The following ZFAND3 variants were observed in gnomAD, a reference collection of about 807,000 sequenced individuals.
ZFAND3 encodes the protein zinc finger AN1-type containing 3.
A neutral mutation model predicts 29.6 loss-of-function variants in ZFAND3; 10 were observed. The ratio of observed to expected loss-of-function variants is 0.34; its 90% CI spans 0.21 to 0.57. The LOEUF (loss-of-function observed/expected upper bound fraction) is 0.57, where lower values mean the gene tolerates loss of function less well. ZFAND3 is among the 20% of genes least tolerant of loss of function. The pLI is 0.86. For synonymous variants in ZFAND3, 128 were observed against 112.6 expected, an observed-to-expected ratio of 1.14 and a Z score of -0.87; for missense variants, 230 against 304.5, an observed-to-expected ratio of 0.76 and a Z score of 1.82.
intron 1 of ZFAND3, among the ~76,000 whole-genome samples, chr6:37,885,698 A>T (rs1009544185): frequency 6.6e-6 from 1 of 152,122 alleles, no homozygotes; most frequent in African/African-American, 2.4e-5. Flanking sequence ...AAGAATTTCA[A>T]CCTTATTTGA....
intron 2 of ZFAND3, among the ~76,000 whole-genome samples, chr6:38,031,739 A>G (rs1763564183): frequency 6.6e-6 from 1 of 152,204 alleles, no homozygotes; most frequent in Non-Finnish European, 1.5e-5. Context: ...TTAATTGCCC[A>G]GTAGAGTACC....
chr6:38,002,128 C>G (rs1047249509), intron 2 of ZFAND3, among the ~76,000 whole-genome samples: 7 of 151,984 alleles, frequency 4.6e-5, no homozygotes, highest in African/African-American at 1.7e-4. Flanking sequence ...AGAAGATATA[C>G]TATAAATATT....
intron 2 of ZFAND3, among the ~76,000 whole-genome samples, chr6:38,034,260 C>G (rs925783052): frequency 2.6e-5 from 4 of 152,118 alleles, no homozygotes; most frequent in Non-Finnish European, 4.4e-5. Context: ...TTCTCCACCT[C>G]TACTCCAACC....
intron 1 of ZFAND3, among the ~76,000 whole-genome samples, chr6:37,854,766 C>G (rs1269743591): frequency 3.0e-4 from 4 of 13,482 alleles, no homozygotes; most frequent in South Asian, 7.2e-3. Context: ...GCTAAAATGC[C>G]CCCCCCCCCC....
At chr6:38,112,172 T>C (rs1464982760) in intron 4 of ZFAND3, among the ~76,000 whole-genome samples, 1 of 152,190 alleles carries the variant, frequency 6.6e-6, no homozygotes, top group Non-Finnish European at 1.5e-5. Context: ...TATTAAACAT[T>C]GGCAGAGAAA....
intron 1 of ZFAND3, among the ~76,000 whole-genome samples, chr6:37,915,261 T>C (rs1427067645): frequency 1.3e-5 from 2 of 152,236 alleles, no homozygotes; most frequent in East Asian, 3.9e-4. Context: ...TTTAAGGGAA[T>C]ATTATGGCTG....
intron 5 of ZFAND3, among the ~76,000 whole-genome samples, chr6:38,140,374 G>A (rs997142126): frequency 1.3e-4 from 20 of 152,156 alleles, no homozygotes; most frequent in African/African-American, 4.6e-4. Flanking sequence ...AGAAAGAGAA[G>A]GAAAACAAGG....
intron 2 of ZFAND3, among the ~76,000 whole-genome samples, chr6:37,961,488 C>T (rs1029755466): frequency 6.6e-6 from 1 of 152,204 alleles, no homozygotes; most frequent in African/African-American, 2.4e-5. Flanking sequence ...GATTGTAGAG[C>T]CCTAGGACAC....
At chr6:37,835,695 A>C (rs1036108698) in intron 1 of ZFAND3, among the ~76,000 whole-genome samples, 14 of 152,112 alleles carry the variant, frequency 9.2e-5, no homozygotes, top group Admixed American at 1.3e-4. Context: ...CCACTTAGTC[A>C]TGGTTATGTT....
intron 1 of ZFAND3, among the ~76,000 whole-genome samples, chr6:37,900,542 C>G (rs888242908): frequency 6.6e-6 from 1 of 152,092 alleles, no homozygotes; most frequent in Non-Finnish European, 1.5e-5. Context: ...AAGTAGAGTG[C>G]ACTAGTTCTG....
intron 2 of ZFAND3, among the ~76,000 whole-genome samples, chr6:37,939,824 G>T (rs1761780931): frequency 6.6e-6 from 1 of 152,064 alleles, no homozygotes; most frequent in African/African-American, 2.4e-5. Context: ...GGCGGATCAC[G>T]AGGTCAGGAG....
At chr6:38,080,941 A>C (rs1438554095) in intron 3 of ZFAND3, among the ~76,000 whole-genome samples, 1 of 152,080 alleles carries the variant, frequency 6.6e-6, no homozygotes, top group Non-Finnish European at 1.5e-5. Context: ...AGTTGAAATT[A>C]CTCTGCTCTC....
At chr6:38,024,944 GTTTAT>G (rs978273484) in intron 2 of ZFAND3, among the ~76,000 whole-genome samples, 14 of 152,142 alleles carry the variant, frequency 9.2e-5, no homozygotes, top group African/African-American at 3.1e-4. Flanking sequence ...CTTTAAAATG[GTTTAT>G]TTTATGTTCT....
chr6:38,120,730 C>A lies in ZFAND3; in HGVS notation c.529+3991C>A, dbSNP rs981551903. ...TTTAACATATTTTCAATTGATGGTGCATTAACAAACTTAAGTGGATATGCT... is the reference window on the plus strand; with the variant it reads ...TTTAACATATTTTCAATTGATGGTGAATTAACAAACTTAAGTGGATATGCT... On this transcript the variant is annotated intron_variant, in intron 5 of 5. Transcript: ENST00000287218. Among the ~76,000 whole-genome samples the A allele has an allele frequency of 1.8e-4, 28 of 152,126 alleles. 1 individual carries two copies. The highest frequency in any genetic ancestry group is 5.3e-4 in the African/African-American group (22 of 41,420).
At chr6:37,845,842 G>A (rs571769169) in intron 1 of ZFAND3, among the ~76,000 whole-genome samples, 2 of 152,342 alleles carry the variant, frequency 1.3e-5, no homozygotes, top group Admixed American at 6.5e-5. Context: ...CTTAAAGTGA[G>A]CCTTAGCTTA....
intron 4 of ZFAND3, among the ~76,000 whole-genome samples, chr6:38,094,334 A>C (rs1037493467): frequency 6.6e-6 from 1 of 152,120 alleles, no homozygotes; most frequent in Non-Finnish European, 1.5e-5. Context: ...CAGAAGAAAA[A>C]AAAAAAGCAA....
intron 1 of ZFAND3, among the ~76,000 whole-genome samples, chr6:37,852,418 T>C (rs1421981481): frequency 6.6e-6 from 1 of 152,198 alleles, no homozygotes; most frequent in Non-Finnish European, 1.5e-5. Context: ...ATCTAACCTG[T>C]ACTTGTTTGC....
rs562318645 is a variant in ZFAND3 at position 37,954,381 on chromosome 6, T to A, written c.112+24382T>A. On this transcript the variant is annotated intron_variant, in intron 2 of 5. Coordinates refer to ENST00000287218, the MANE Select transcript of ZFAND3 (RefSeq NM_021943.3). ...CTGATGCTCTTATTTTTTTCTTGTT[T>A]CTCTGTGTTTCATTTTGGATAGTTG... 3.9e-5 allele frequency among the ~76,000 whole-genome samples: 6 copies of A among 152,296 alleles called. No homozygotes were observed. The East Asian group carries it at 1.2e-3, about 29-fold the overall frequency.
Position 37,891,417 on chromosome 6 carries a change from C to CCCCCG in ZFAND3, c.72-38538_72-38537insGCCCC, listed in dbSNP as rs1399031658. Among the ~76,000 whole-genome samples the CCCCCG allele has an allele frequency of 8.3e-5, 8 of 96,382 alleles. No homozygotes were observed. In the East Asian group the frequency reaches 2.9e-3, roughly 35 times the overall value. 63.2% of individuals were successfully genotyped at this position (96,382 alleles called of 152,430 possible). On this transcript the variant is annotated intron_variant, in intron 1 of 5. Coordinates refer to ENST00000287218, the MANE Select transcript of ZFAND3 (RefSeq NM_021943.3). ...TTGACAAATAGTTGGAGATTTCAGT[C>CCCCCG]CCCCCCCCCGCCTTTAAAATACAAA...
Sources: allele counts gnomAD v4.1 joint callset (sites outside exome capture counted in the v4.1 genomes callset), GRCh38; gene constraint gnomAD v4.1.1; transcripts MANE v1.5; gene names NCBI Gene and HGNC (gene_info 2026-07-23, HGNC 2026-07-21).